Variants in CNTNAP5 observed in about 807,000 individuals in gnomAD.
The protein encoded by CNTNAP5 is contactin associated protein family member 5.
Under a neutral mutation model 150.2 loss-of-function variants are expected in CNTNAP5, and 72 were observed. That is an observed-to-expected ratio of 0.48 (90% CI 0.40 to 0.58). The LOEUF is 0.58. Ranked by LOEUF, CNTNAP5 falls within the 20% of genes least tolerant of loss-of-function variation. The pLI, the probability that CNTNAP5 is intolerant of heterozygous loss-of-function variation, is 0.00. For synonymous variants in CNTNAP5, 672 were observed against 619.8 expected, an observed-to-expected ratio of 1.08 and a Z score of -1.25; for missense variants, 1,636 against 1,626.2, an observed-to-expected ratio of 1.01 and a Z score of -0.10.
chr2:124,905,732 G>T (rs1327863266), intron 22 of CNTNAP5, among the ~76,000 whole-genome samples: 1 of 152,174 alleles, frequency 6.6e-6, no homozygotes, highest in African/African-American at 2.4e-5. Context: ...AAAGGGGAAA[G>T]TGTGGTGGGG....
intron 1 of CNTNAP5, among the ~76,000 whole-genome samples, chr2:124,150,258 A>AT (rs148943893): frequency 0.089 from 13,549 of 152,218 alleles, 782 homozygotes; most frequent in East Asian, 0.34. Context: ...GTAACTGAGA[A>AT]TTGAAATGCA....
chr2:124,631,080 C>CA (rs1322613446), intron 12 of CNTNAP5, among the ~76,000 whole-genome samples: 2 of 152,106 alleles, frequency 1.3e-5, no homozygotes, highest in Non-Finnish European at 2.9e-5. Context: ...AGACAGGACA[C>CA]AAGCAGATGG....
chr2:124,160,271 A>C (rs1015450022), intron 1 of CNTNAP5, among the ~76,000 whole-genome samples: 3 of 152,078 alleles, frequency 2.0e-5, no homozygotes, highest in African/African-American at 7.2e-5. Flanking sequence ...ATATTATTTC[A>C]CTCTTTTATA....
intron 1 of CNTNAP5, among the ~76,000 whole-genome samples, chr2:124,145,811 T>TAAAA (rs761766577): frequency 1.6e-4 from 2 of 12,788 alleles, no homozygotes; most frequent in African/African-American, 4.4e-4. Flanking sequence ...AAAAAAAACA[T>TAAAA]TAAAAAAAAA....
intron 13 of CNTNAP5, among the ~76,000 whole-genome samples, chr2:124,745,897 A>G (rs13409512): frequency 0.24 from 37,225 of 152,110 alleles, 5,370 homozygotes; most frequent in Non-Finnish European, 0.34. Context: ...CTTCCTACTT[A>G]CCTCAGTGGC....
intron 1 of CNTNAP5, among the ~76,000 whole-genome samples, chr2:124,152,034 T>C (rs566305336): frequency 2.3e-4 from 35 of 152,318 alleles, no homozygotes; most frequent in African/African-American, 8.4e-4. Context: ...ATATGGTGAC[T>C]CATTAAATTA....
intron 19 of CNTNAP5, among the ~76,000 whole-genome samples, chr2:124,829,705 A>T (rs1408273517): frequency 2.6e-5 from 4 of 151,930 alleles, no homozygotes; most frequent in Admixed American, 6.6e-5. Context: ...ATTTATTATT[A>T]TTTATGAAAA....
intron 12 of CNTNAP5, among the ~76,000 whole-genome samples, chr2:124,627,377 A>T (rs1677749356): frequency 6.6e-6 from 1 of 152,216 alleles, no homozygotes; most frequent in South Asian, 2.1e-4. Context: ...CAGAGGAAGG[A>T]GCAGGCAGCA....
At chr2:124,044,927 CACACAT>C (rs1248110982) in intron 1 of CNTNAP5, among the ~76,000 whole-genome samples, 36 of 138,648 alleles carry the variant, frequency 2.6e-4, no homozygotes, top group African/African-American at 7.9e-4. Context: ...CACACACACA[CACACAT>C]GAATAAGTGA....
At chr2:124,134,026 A>G (rs531814005) in intron 1 of CNTNAP5, among the ~76,000 whole-genome samples, 1 of 152,210 alleles carries the variant, frequency 6.6e-6, no homozygotes, top group Admixed American at 6.5e-5. Flanking sequence ...TGAGTCCTTA[A>G]TTGCTGTTCT....
intron 3 of CNTNAP5, among the ~76,000 whole-genome samples, chr2:124,278,761 T>C (rs765149368): frequency 2.0e-5 from 3 of 152,176 alleles, no homozygotes; most frequent in Non-Finnish European, 4.4e-5. Context: ...TAGCCTTTGA[T>C]TTTACCAGTG....
chr2:124,045,212 G>T (rs1681495340), intron 1 of CNTNAP5, among the ~76,000 whole-genome samples: 1 of 151,834 alleles, frequency 6.6e-6, no homozygotes, highest in Non-Finnish European at 1.5e-5. Context: ...TTCAATTTCT[G>T]TGGGTCTAGG....
rs116286444 is a variant in CNTNAP5 at position 124,033,177 on chromosome 2, C to T, written c.82+7445C>T. ...TGGGGGTTGATTAATGCCATCTGTT[C>T]ACAGGATCAGCTGAATTGATAGAGT... On this transcript the variant is annotated intron_variant, in intron 1 of 23. Coordinates refer to ENST00000682447, the MANE Select transcript of CNTNAP5 (RefSeq NM_001367498.1). 6.5e-3 allele frequency among the ~76,000 whole-genome samples: 991 copies of T among 152,204 alleles called. 20 individuals are homozygous for T. The highest frequency in any genetic ancestry group is 0.023 in the African/African-American group (939 of 41,526).
intron 12 of CNTNAP5, among the ~76,000 whole-genome samples, chr2:124,644,385 G>A (rs2105023919): frequency 6.6e-6 from 1 of 152,150 alleles, no homozygotes; most frequent in East Asian, 1.9e-4. Flanking sequence ...TAGGAAGCGA[G>A]GAAAAATATT....
At chr2:124,323,437 C>T (rs915898183) in intron 3 of CNTNAP5, among the ~76,000 whole-genome samples, 1 of 152,184 alleles carries the variant, frequency 6.6e-6, no homozygotes, top group Non-Finnish European at 1.5e-5. Flanking sequence ...TCATACCCTT[C>T]AGCAATGTGT....
chr2:124,281,189 T>A (rs1443793975), intron 3 of CNTNAP5, among the ~76,000 whole-genome samples: 1 of 152,036 alleles, frequency 6.6e-6, no homozygotes, highest in African/African-American at 2.4e-5. Flanking sequence ...AGAGAGAAAA[T>A]TTTTGAAGAA....
At chr2:124,084,924 G>GTTTT (rs71394021) in intron 1 of CNTNAP5, among the ~76,000 whole-genome samples, 1 of 89,980 alleles carries the variant, frequency 1.1e-5, no homozygotes, top group African/African-American at 4.2e-5. Flanking sequence ...CAAGTTTCCT[G>GTTTT]TTTTTTTTTT....
intron 1 of CNTNAP5, among the ~76,000 whole-genome samples, chr2:124,082,968 T>C (rs568524964): frequency 3.9e-5 from 6 of 152,374 alleles, no homozygotes; most frequent in African/African-American, 1.4e-4. Flanking sequence ...TTATGTCATT[T>C]GCCCAGTTGT....
At chr2:124,157,994 G>T (rs1418941912) in intron 1 of CNTNAP5, among the ~76,000 whole-genome samples, 2 of 152,158 alleles carry the variant, frequency 1.3e-5, no homozygotes, top group Non-Finnish European at 2.9e-5. Flanking sequence ...CCATAACTCT[G>T]TTCATTTTGC....
Sources: allele counts gnomAD v4.1 joint callset (sites outside exome capture counted in the v4.1 genomes callset), GRCh38; gene constraint gnomAD v4.1.1; transcripts MANE v1.5; gene names NCBI Gene and HGNC (gene_info 2026-07-23, HGNC 2026-07-21).